TRPV4: variants seen among roughly 807,000 people sequenced by gnomAD.
The protein encoded by TRPV4 is OSM9-like transient receptor potential channel 4.
A neutral mutation model predicts 84.1 loss-of-function variants in TRPV4; 58 were observed. The observed-to-expected ratio is 0.69, with a 90% confidence interval of 0.56 to 0.86. The LOEUF (loss-of-function observed/expected upper bound fraction) is 0.86, where lower values mean the gene tolerates loss of function less well. Among genes scored for constraint, TRPV4 ranks in the 40% least tolerant of loss-of-function variants. The pLI is 0.00. For missense variants in TRPV4, 879 were observed against 1,181.1 expected, an observed-to-expected ratio of 0.74 and a Z score of 3.75; for synonymous variants, 489 against 500.9, an observed-to-expected ratio of 0.98 and a Z score of 0.32.
intron 1 of TRPV4, among the ~76,000 whole-genome samples, chr12:109,824,540 G>A (rs1334889491): frequency 6.6e-6 from 1 of 151,986 alleles, no homozygotes; most frequent in African/African-American, 2.4e-5. Context: ...CGGATCACTT[G>A]AGGTCAGAAG....
At chr12:109,812,927 T>C (rs1029857061) in intron 2 of TRPV4, among the ~76,000 whole-genome samples, 5 of 151,790 alleles carry the variant, frequency 3.3e-5, no homozygotes, top group African/African-American at 1.2e-4. Flanking sequence ...ATTGGATAGG[T>C]GGACAAAAAA....
Position 109,793,819 on chromosome 12 carries a change from A to G in TRPV4, c.1584+111T>C. ...ATGGGAAAATAAAAGGAGGAAGGAA[A>G]GGAGAAGGACCATTTGGAGGAGAGA... On this transcript the variant is annotated intron_variant, in intron 9 of 15. Coordinates refer to ENST00000261740, the MANE Select transcript of TRPV4 (RefSeq NM_021625.5). This position sits in a 1 kb window ranked among gnomAD's most constrained non-coding sequence, Gnocchi z 4.0. 1 of 914,324 alleles carries G rather than the reference A, an allele frequency of 1.1e-6. No homozygotes were observed. The highest frequency in any genetic ancestry group is 1.8e-6 in the Non-Finnish European group (1 of 566,286). 56.6% of individuals were successfully genotyped at this position (914,324 alleles called of 1,614,324 possible).
At position 109,814,489 on chromosome 12, in the gene TRPV4, G is replaced by A. The variant is rs747858611; in HGVS notation, c.308C>T (p.Pro103Leu). The change falls in exon 2 of 16, where the codon CCC (proline) becomes CTC (leucine). Residue 103 changes from proline (P) to leucine (L), a missense_variant. By Grantham distance (98) the Pro-to-Leu change is moderately conservative. Around this residue, in one of 4 missense-constraint regions of TRPV4, gnomAD observed 521 missense variants for 686.6 expected, o/e 0.76. Transcript: ENST00000261740. This position sits in a 1 kb window ranked among gnomAD's most constrained non-coding sequence, Gnocchi z 5.4. ...GCCGTAGTCAAACAGTGAGTCCATG[G>A]GTGCTTTCTTGGGCCCAGGCACCAC... Reference protein sequence around the residue: ...SSVVPGPKKAPMDSLFDYGTY... With the variant: ...SSVVPGPKKALMDSLFDYGTY... 21 of 1,613,988 alleles carry A rather than the reference G, an allele frequency of 1.3e-5. No individual in the cohort carries two copies. Among genetic ancestry groups the A allele is most frequent in the Non-Finnish European group, 1.7e-5 (20 of 1,180,010 alleles).
intron 2 of TRPV4, among the ~76,000 whole-genome samples, chr12:109,813,108 G>T (rs1323510185): frequency 6.6e-6 from 1 of 152,104 alleles, no homozygotes; most frequent in African/African-American, 2.4e-5. Flanking sequence ...ACGTGGATAT[G>T]TAGGTGAATA....
At position 109,786,191 on chromosome 12, in the gene TRPV4, C is replaced by G. The variant is rs2136428135; in HGVS notation, c.2336+519G>C. 6.6e-6 allele frequency among the ~76,000 whole-genome samples: 1 copy of G among 152,272 alleles called. No individual in the cohort carries two copies. Among genetic ancestry groups the G allele is most frequent in the East Asian group, 1.9e-4 (1 of 5,182 alleles). ...AGAAAAGATTCATGAAGGGGTTCCC[C>G]TAAGAAGCTGGCACTCCCTGTGCCT... is the stretch of plus-strand genomic sequence containing the variant. On this transcript the variant is annotated intron_variant, in intron 14 of 15. Coordinates refer to ENST00000261740, the MANE Select transcript of TRPV4 (RefSeq NM_021625.5). The surrounding 1 kb of genome is among the most constrained non-coding windows in gnomAD (Gnocchi z 4.5).
intron 1 of TRPV4, among the ~76,000 whole-genome samples, chr12:109,816,026 A>C (rs1891827280): frequency 6.6e-6 from 1 of 152,156 alleles, no homozygotes; most frequent in Admixed American, 6.5e-5. Context: ...TGGAACTCTT[A>C]CCACCCCACC....
chr12:109,825,180 A>T (rs1283980066), intron 1 of TRPV4, among the ~76,000 whole-genome samples: 1 of 152,110 alleles, frequency 6.6e-6, no homozygotes, highest in Non-Finnish European at 1.5e-5. Flanking sequence ...CATCTCTACA[A>T]AAAATAAATA....
chr12:109,783,823 A>T lies in TRPV4; in HGVS notation c.2459-45T>A. The T allele has an allele frequency of 6.2e-7, 1 of 1,603,040 alleles. No individual in the cohort carries two copies. Among genetic ancestry groups the T allele is most frequent in the Non-Finnish European group, 8.5e-7 (1 of 1,178,600 alleles). ...GAGGGAGGGGTGGGGGTTGGTGGAG[A>T]GAGAGCGTGCGTATATTGAGTGCCT... On this transcript the variant is annotated intron_variant, in intron 15 of 15. Transcript: ENST00000261740. The surrounding 1 kb of genome is among the most constrained non-coding windows in gnomAD (Gnocchi z 4.6).
At chr12:109,784,733 A>G (rs1889571875) in intron 14 of TRPV4, among the ~76,000 whole-genome samples, 1 of 150,404 alleles carries the variant, frequency 6.6e-6, no homozygotes, top group Non-Finnish European at 1.5e-5. Context: ...AGTCCCAGTG[A>G]CCCGAGAGGC....
chr12:109,799,272 C>T (rs1012173809), intron 5 of TRPV4, among the ~76,000 whole-genome samples: 4 of 151,952 alleles, frequency 2.6e-5, no homozygotes, highest in African/African-American at 9.7e-5. Context: ...TGTGCCTCAG[C>T]CGAGTAGCTG....
chr12:109,789,397 G>C (rs1039989456), intron 12 of TRPV4, among the ~76,000 whole-genome samples: 14 of 152,122 alleles, frequency 9.2e-5, no homozygotes, highest in African/African-American at 3.4e-4. Context: ...GGGGGCTCTG[G>C]AATGCCCCTA....
At chr12:109,792,292 C>T (rs1890093551) in intron 12 of TRPV4, 71 bp downstream of exon 12, 2 of 1,227,798 alleles carry the variant, frequency 1.6e-6, no homozygotes, top group Non-Finnish European at 2.4e-6. Flanking sequence ...CTATTGTCCC[C>T]TATACATCAT....
chr12:109,827,096 C>G (rs989799367), intron 1 of TRPV4, among the ~76,000 whole-genome samples: 6 of 152,194 alleles, frequency 3.9e-5, no homozygotes, highest in Non-Finnish European at 7.3e-5. Context: ...CCAGGGCAGA[C>G]AGGTCTCCAA....
chr12:109,822,662 G>C (rs1176300089), intron 1 of TRPV4, among the ~76,000 whole-genome samples: 1 of 152,212 alleles, frequency 6.6e-6, no homozygotes, highest in Non-Finnish European at 1.5e-5. Flanking sequence ...AGAAGCTGGA[G>C]AAAGAATGGA....
chr12:109,785,339 A>G (rs2066991628), intron 14 of TRPV4, among the ~76,000 whole-genome samples: 1 of 151,628 alleles, frequency 6.6e-6, no homozygotes, highest in South Asian at 2.1e-4. Context: ...CATAGCCCAC[A>G]TTTTGTTTAT....
intron 1 of TRPV4, among the ~76,000 whole-genome samples, chr12:109,816,730 A>T (rs543459626): frequency 6.6e-6 from 1 of 152,282 alleles, no homozygotes; most frequent in South Asian, 2.1e-4. Flanking sequence ...GTGAGCCAAG[A>T]TGGCGCCACT....
Position 109,788,677 on chromosome 12 carries a change from A to C in TRPV4, c.1931T>G (p.Val644Gly), listed in dbSNP as rs1203911988. 2.5e-6 allele frequency: 4 copies of C among 1,614,038 alleles called. No homozygotes were observed. The highest frequency in any genetic ancestry group is 2.5e-6 in the Non-Finnish European group (3 of 1,180,036). ...GCAGTTGGTCTGGTCCTCATTGCAC[A>C]CCTTCATGTTGGCACACGGGTTCAG... is the stretch of plus-strand genomic sequence containing the variant. ...SLLNPCANMK[V>G]CNEDQTNCTV... The change falls in exon 13 of 16, where the codon GTG (valine) becomes GGG (glycine). Residue 644 changes from valine to glycine, a missense_variant. Physicochemically the swap from Val to Gly is moderately radical, Grantham distance 109. Transcript: ENST00000261740.
intron 1 of TRPV4, among the ~76,000 whole-genome samples, chr12:109,828,174 C>T (rs1479496954): frequency 1.3e-5 from 2 of 152,238 alleles, no homozygotes; most frequent in East Asian, 1.9e-4. Context: ...CCTGAGCCCC[C>T]GCCTCCTTCT....
Position 109,788,382 on chromosome 12 carries a change from G to A in TRPV4, c.2208+18C>T. 6.2e-7 allele frequency: 1 copy of A among 1,609,214 alleles called. No homozygotes were observed. The highest frequency in any genetic ancestry group is 1.7e-4 in the Middle Eastern group (1 of 5,844). On this transcript the variant is annotated intron_variant, in intron 13 of 15. Coordinates refer to ENST00000261740, the MANE Select transcript of TRPV4 (RefSeq NM_021625.5). ...GAGGGTGGCTGGTAGAGTGGGGCTG[G>A]GGGCCCTGGGGCCTCACCTGCAGCT... is the stretch of plus-strand genomic sequence containing the variant.
Sources: allele counts gnomAD v4.1 joint callset (sites outside exome capture counted in the v4.1 genomes callset), GRCh38; gene constraint gnomAD v4.1.1; regional missense constraint gnomAD v4.1.1; non-coding constraint Gnocchi (gnomAD v3.1); transcripts MANE v1.5; gene names NCBI Gene and HGNC (gene_info 2026-07-23, HGNC 2026-07-21).